PCDHGA2: variants seen among roughly 807,000 people sequenced by gnomAD.
PCDHGA2 encodes protocadherin gamma-A2.
PCDHGA2 carries 40 observed loss-of-function variants against 59.2 expected under a neutral mutation model. The observed-to-expected ratio is 0.68, with a 90% CI of 0.52 to 0.88. The LOEUF (loss-of-function observed/expected upper bound fraction) is 0.88, where lower values mean the gene tolerates loss of function less well. Among genes scored for constraint, PCDHGA2 ranks in the 40% least tolerant of loss-of-function variants. PCDHGA2 has a pLI of 0.00. For missense variants in PCDHGA2, 1,226 were observed against 1,204.0 expected, an observed-to-expected ratio of 1.02 and a Z score of -0.27; for synonymous variants, 560 against 526.0, an observed-to-expected ratio of 1.06 and a Z score of -0.89.
chr5:141,448,190 C>T (rs1426828578), intron 1 of PCDHGA2, among the ~76,000 whole-genome samples: 1 of 152,118 alleles, frequency 6.6e-6, no homozygotes, highest in Non-Finnish European at 1.5e-5. Flanking sequence ...GTTATGTACA[C>T]TTACAAACAT....
At chr5:141,388,824 T>G (rs760173455) in intron 1 of PCDHGA2, 1 of 1,613,960 alleles carries the variant, frequency 6.2e-7, no homozygotes, top group East Asian at 2.2e-5. Flanking sequence ...CAAAGAATAT[T>G]CCATAGTTTT....
At chr5:141,345,112 G>A (rs1264127717) in intron 1 of PCDHGA2, 2 of 1,613,964 alleles carry the variant, frequency 1.2e-6, no homozygotes, top group Non-Finnish European at 1.7e-6. Flanking sequence ...CCAGAAGAGG[G>A]CACCGTTGGA....
chr5:141,404,945 G>A (rs753544983), intron 1 of PCDHGA2: 6 of 1,613,952 alleles, frequency 3.7e-6, no homozygotes, highest in Non-Finnish European at 5.1e-6. Flanking sequence ...AGTAGCCATA[G>A]CTGACAGCAT....
intron 3 of PCDHGA2, 110 bp downstream of exon 3, chr5:141,505,591 G>A (rs2099846959): frequency 6.4e-7 from 1 of 1,570,162 alleles, no homozygotes; most frequent in Non-Finnish European, 8.7e-7. Context: ...AGTTTCTCCA[G>A]ATCTTTCGGC....
intron 1 of PCDHGA2, chr5:141,382,981 GC>G (rs1247248869): frequency 6.2e-7 from 1 of 1,612,206 alleles, no homozygotes; most frequent in African/African-American, 1.3e-5. Flanking sequence ...GGAAGCCTGG[GC>G]AGGACGTATT....
intron 1 of PCDHGA2, chr5:141,408,965 C>A: frequency 3.1e-6 from 5 of 1,613,806 alleles, no homozygotes; most frequent in Non-Finnish European, 4.2e-6. Flanking sequence ...TAGTGAAAAT[C>A]TGCCCCCTGG....
At chr5:141,371,053 C>T (rs749864646) in intron 1 of PCDHGA2, 2 of 1,613,924 alleles carry the variant, frequency 1.2e-6, no homozygotes, top group Non-Finnish European at 1.7e-6. Flanking sequence ...GGGGGCGAGC[C>T]CTCCAGAAGC....
chr5:141,356,301 A>T (rs755675913), intron 1 of PCDHGA2: 2 of 1,554,592 alleles, frequency 1.3e-6, no homozygotes, highest in Non-Finnish European at 1.7e-6. Context: ...CAGTAATTGC[A>T]CTTTTCAACG....
intron 1 of PCDHGA2, chr5:141,400,544 A>G (rs1436586530): frequency 6.2e-7 from 1 of 1,613,568 alleles, no homozygotes; most frequent in Non-Finnish European, 8.5e-7. Flanking sequence ...ATTTATGTCT[A>G]TTCTTTTTCA....
intron 1 of PCDHGA2, chr5:141,423,851 C>A (rs1311833319): frequency 2.4e-6 from 3 of 1,275,940 alleles, no homozygotes; most frequent in East Asian, 3.1e-5. Context: ...TCTTTCAGAA[C>A]GTTTTTGTGA....
Position 141,419,305 on chromosome 5 carries a change from G to A in PCDHGA2, c.2425-75502G>A, listed in dbSNP as rs778360128. ...TCAGTGCCTCTGACCCAGACTTCGGGCTCAACGGCCGTGTCTCCTACTCTC... is the reference window on the plus strand; with the variant it reads ...TCAGTGCCTCTGACCCAGACTTCGGACTCAACGGCCGTGTCTCCTACTCTC... On this transcript the variant is annotated intron_variant, in intron 1 of 3. Transcript: ENST00000394576. The A allele has an allele frequency of 3.1e-6, 5 of 1,613,906 alleles. No individual in the cohort carries two copies. The East Asian group carries it at 1.1e-4, about 36-fold the overall frequency.
chr5:141,375,054 G>C, intron 1 of PCDHGA2: 6 of 1,614,004 alleles, frequency 3.7e-6, no homozygotes, highest in South Asian at 1.1e-5. Context: ...GCCCGGGATG[G>C]GCCAGGTCTT....
chr5:141,490,344 AGTGGGGTTGTTTAAT>A lies in PCDHGA2; in HGVS notation c.2425-4459_2425-4445del. The A allele has an allele frequency of 6.2e-7, 1 of 1,614,178 alleles. No individual in the cohort carries two copies. The highest frequency in any genetic ancestry group is 8.5e-7 in the Non-Finnish European group (1 of 1,180,030). ...TAGAGAGCACACCAGTGGGCACAGT[AGTGGGGTTGTTTAAT>A]GTGCGAGACCGGGACTCAGGTAGAA... On this transcript the variant is annotated intron_variant, in intron 1 of 3. Coordinates refer to ENST00000394576, the MANE Select transcript of PCDHGA2 (RefSeq NM_018915.4). This position sits in a 1 kb window ranked among gnomAD's most constrained non-coding sequence, Gnocchi z 5.4.
chr5:141,372,280 C>A, intron 1 of PCDHGA2: 2 of 1,613,164 alleles, frequency 1.2e-6, no homozygotes, highest in Non-Finnish European at 1.7e-6. Flanking sequence ...GTGCGCACGG[C>A]GCGTACCTTG....
chr5:141,443,093 C>G (rs1316602934), intron 1 of PCDHGA2, among the ~76,000 whole-genome samples: 2 of 151,940 alleles, frequency 1.3e-5, no homozygotes, highest in African/African-American at 4.8e-5. Flanking sequence ...CAGTCTCCTT[C>G]TCAAGCTGAA....
In PCDHGA2 at chr5:141,432,296, G is replaced by T; in HGVS notation, c.2425-62511G>T. On this transcript the variant is annotated intron_variant, in intron 1 of 3. Coordinates refer to ENST00000394576, the MANE Select transcript of PCDHGA2 (RefSeq NM_018915.4). This position sits in a 1 kb window ranked among gnomAD's most constrained non-coding sequence, Gnocchi z 6.0. ...CGTGTCCATCAACTCCGACACTGGG[G>T]TACTGTATGCGCTGAGCTCCTTCGA... 1 of 1,614,224 alleles carries T rather than the reference G, an allele frequency of 6.2e-7. No individual in the cohort carries two copies. Among genetic ancestry groups the T allele is most frequent in the Non-Finnish European group, 8.5e-7 (1 of 1,180,044 alleles).
At chr5:141,341,612 G>A in intron 1 of PCDHGA2, 1 of 921,116 alleles carries the variant, frequency 1.1e-6, no homozygotes. Context: ...TGTAAACCAG[G>A]AGTTAATAGA....
intron 1 of PCDHGA2, chr5:141,390,115 G>A: frequency 1.2e-6 from 2 of 1,614,036 alleles, no homozygotes; most frequent in Non-Finnish European, 1.7e-6. Flanking sequence ...TACAGCGAGG[G>A]GACTTTGCCT....
intron 1 of PCDHGA2, chr5:141,355,329 A>T: frequency 6.2e-7 from 1 of 1,614,020 alleles, no homozygotes; most frequent in Non-Finnish European, 8.5e-7. Context: ...AAGAAGGCTC[A>T]GTGGTGGGCA....
Sources: allele counts gnomAD v4.1 joint callset (sites outside exome capture counted in the v4.1 genomes callset), GRCh38; gene constraint gnomAD v4.1.1; non-coding constraint Gnocchi (gnomAD v3.1); transcripts MANE v1.5; gene names NCBI Gene and HGNC (gene_info 2026-07-23, HGNC 2026-07-21).